SPATA7: variants seen among roughly 807,000 people sequenced by gnomAD.
SPATA7 encodes the protein spermatogenesis associated 7.
A neutral mutation model predicts 51.8 loss-of-function variants in SPATA7; 43 were observed. The observed-to-expected ratio is 0.83, with a 90% confidence interval of 0.65 to 1.07. The LOEUF (loss-of-function observed/expected upper bound fraction) is 1.07, where lower values mean the gene tolerates loss of function less well. Ranked by LOEUF, SPATA7 falls within the 50% of genes least tolerant of loss-of-function variation. The pLI, the probability that SPATA7 is intolerant of heterozygous loss-of-function variation, is 0.00. For missense variants in SPATA7, 683 were observed against 701.3 expected, an observed-to-expected ratio of 0.97 and a Z score of 0.30; for synonymous variants, 230 against 252.8, an observed-to-expected ratio of 0.91 and a Z score of 0.86.
intron 3 of SPATA7, among the ~76,000 whole-genome samples, chr14:88,448,740 A>T (rs527960122): frequency 1.3e-5 from 2 of 152,126 alleles, no homozygotes; most frequent in South Asian, 2.1e-4. Flanking sequence ...TGGAGTACCC[A>T]GCCGTGTGAG....
intron 4 of SPATA7, among the ~76,000 whole-genome samples, chr14:88,404,452 C>T (rs1051855434): frequency 6.6e-6 from 1 of 152,184 alleles, no homozygotes; most frequent in Non-Finnish European, 1.5e-5. Context: ...CGTTGTGGCT[C>T]ACGCCTGTAA....
At chr14:88,464,744 A>G (rs1206619358) in intron 4 of SPATA7, among the ~76,000 whole-genome samples, 2 of 148,548 alleles carry the variant, frequency 1.3e-5, no homozygotes, top group African/African-American at 2.6e-5. Flanking sequence ...AAGAAAAAAA[A>G]AGTCTTATTT....
intron 3 of SPATA7, among the ~76,000 whole-genome samples, chr14:88,448,646 T>A (rs1293041736): frequency 6.6e-6 from 1 of 152,210 alleles, no homozygotes; most frequent in Non-Finnish European, 1.5e-5. Flanking sequence ...ATGATGGTGA[T>A]GTACAGATGT....
At chr14:88,422,986 A>G (rs529688834) in intron 5 of SPATA7, among the ~76,000 whole-genome samples, 46 of 152,260 alleles carry the variant, frequency 3.0e-4, no homozygotes, top group African/African-American at 1.1e-3. Context: ...CCCTTTATAT[A>G]CATTATAAAG....
At chr14:88,460,037 C>T (rs557814424), downstream of SPATA7, among the ~76,000 whole-genome samples, 1 of 152,160 alleles carries the variant, frequency 6.6e-6, no homozygotes, top group East Asian at 1.9e-4. Flanking sequence ...TGAATATTGG[C>T]CCCCACTCTC....
chr14:88,438,175 C>T lies in SPATA7; in HGVS notation c.1553C>T (p.Ser518Leu). 6.2e-7 allele frequency: 1 copy of T among 1,613,618 alleles called. No homozygotes were observed. The highest frequency in any genetic ancestry group is 8.5e-7 in the Non-Finnish European group (1 of 1,179,774). ...QVNDETNLET[S>L]TLDENHPSIS... ...AATGATGAAACAAATCTTGAAACTTCAACTTTGGATGAAAATCATCCAAGT... is the reference window on the plus strand; with the variant it reads ...AATGATGAAACAAATCTTGAAACTTTAACTTTGGATGAAAATCATCCAAGT... The change falls in exon 12 of 12, where the codon TCA becomes TTA. Residue 518 changes from serine to leucine, a missense_variant. By Grantham distance (145) the Ser-to-Leu change is moderately radical. Transcript: ENST00000393545.
intron 5 of SPATA7, among the ~76,000 whole-genome samples, chr14:88,419,746 C>T (rs1014204432): frequency 1.3e-5 from 2 of 151,938 alleles, no homozygotes; most frequent in African/African-American, 2.4e-5. Context: ...AGGATGGTCT[C>T]GATCTCCTGA....
chr14:88,443,421 A>G (rs2077191046), downstream of SPATA7, among the ~76,000 whole-genome samples: 1 of 151,956 alleles, frequency 6.6e-6, no homozygotes, highest in African/African-American at 2.4e-5. Context: ...GCCTTGAATC[A>G]TCTTTTTTGT....
intron 4 of SPATA7, chr14:88,414,527 T>C (rs1249979583): frequency 4.0e-6 from 1 of 251,350 alleles, no homozygotes; most frequent in South Asian, 4.1e-5. Context: ...ATTGAACATT[T>C]ATATGGATTT....
chr14:88,451,560 T>A (rs1161318429), intron 3 of SPATA7, among the ~76,000 whole-genome samples: 1 of 150,996 alleles, frequency 6.6e-6, no homozygotes, highest in Admixed American at 6.6e-5. Context: ...GGAGTCTTGC[T>A]CTGTCACCCA....
chr14:88,442,172 CTGTTTGTTTGTTTGTT>C (rs56376187), downstream of SPATA7, among the ~76,000 whole-genome samples: 1 of 149,352 alleles, frequency 6.7e-6, no homozygotes, highest in Non-Finnish European at 1.5e-5. Flanking sequence ...GTCTATATGC[CTGTTTGTTTGTTTGTT>C]TGTTTGTTTG....
intron 10 of SPATA7, among the ~76,000 whole-genome samples, chr14:88,434,770 A>G (rs374275293): frequency 1.5e-4 from 23 of 152,270 alleles, no homozygotes; most frequent in African/African-American, 5.5e-4. Flanking sequence ...CAAGTTGGTA[A>G]AGAAATACAA....
chr14:88,460,740 C>T (rs952072845), intron 4 of SPATA7, among the ~76,000 whole-genome samples: 4 of 152,218 alleles, frequency 2.6e-5, no homozygotes, highest in African/African-American at 7.2e-5. Context: ...AGCTTTGTTC[C>T]GTTGCTGGTA....
chr14:88,403,372 A>G (rs964247588), intron 4 of SPATA7, among the ~76,000 whole-genome samples: 1 of 152,264 alleles, frequency 6.6e-6, no homozygotes, highest in African/African-American at 2.4e-5. Flanking sequence ...CTGTTCTCCC[A>G]TGTTTGTTAC....
chr14:88,416,576 A>G (rs1371732637), intron 4 of SPATA7, 135 bp from the exon 5 acceptor site: 10 of 834,858 alleles, frequency 1.2e-5, no homozygotes, highest in Admixed American at 5.1e-5. Context: ...CTCTTTATAT[A>G]GGAAAATAAA....
intron 4 of SPATA7, among the ~76,000 whole-genome samples, chr14:88,415,603 G>A (rs2139957319): frequency 6.6e-6 from 1 of 151,908 alleles, no homozygotes; most frequent in East Asian, 1.9e-4. Flanking sequence ...TACATTCAAG[G>A]TTAATATTGA....
intron 3 of SPATA7, among the ~76,000 whole-genome samples, chr14:88,448,512 G>T (rs2140045816): frequency 6.6e-6 from 1 of 152,310 alleles, no homozygotes; most frequent in East Asian, 1.9e-4. Flanking sequence ...GTCCAGCTTT[G>T]TTCCGTTGCT....
chr14:88,437,782 T>C (rs1301553007), intron 11 of SPATA7, 56 bp from the exon 12 acceptor site: 2 of 1,516,136 alleles, frequency 1.3e-6, no homozygotes, highest in Non-Finnish European at 8.9e-7. Context: ...AGCACTGCAG[T>C]CAAAATTTAA....
At chr14:88,457,337 T>C (rs965726052), downstream of SPATA7, among the ~76,000 whole-genome samples, 4 of 152,218 alleles carry the variant, frequency 2.6e-5, no homozygotes, top group Admixed American at 6.5e-5. Context: ...TTTCATGATA[T>C]TGATTCTTCC....
Sources: allele counts gnomAD v4.1 joint callset (sites outside exome capture counted in the v4.1 genomes callset), GRCh38; gene constraint gnomAD v4.1.1; transcripts MANE v1.5; gene names NCBI Gene and HGNC (gene_info 2026-07-23, HGNC 2026-07-21).